ADAMTSL3: variants seen among roughly 807,000 people sequenced by gnomAD.
ADAMTSL3 encodes the protein ADAMTS like 3.
Under a neutral mutation model 201.7 loss-of-function variants are expected in ADAMTSL3, and 128 were observed. That is an observed-to-expected ratio of 0.63 (90% CI 0.55 to 0.73). The LOEUF (loss-of-function observed/expected upper bound fraction) is 0.73, where lower values mean the gene tolerates loss of function less well. Among genes scored for constraint, ADAMTSL3 ranks in the 30% least tolerant of loss-of-function variants. The pLI is 0.00. For missense variants in ADAMTSL3, 1,990 were observed against 2,119.6 expected, an observed-to-expected ratio of 0.94 and a Z score of 1.20; for synonymous variants, 738 against 748.4, an observed-to-expected ratio of 0.99 and a Z score of 0.23.
At chr15:83,999,103 G>C (rs1301430440) in intron 23 of ADAMTSL3, among the ~76,000 whole-genome samples, 1 of 152,086 alleles carries the variant, frequency 6.6e-6, no homozygotes, top group Non-Finnish European at 1.5e-5. Flanking sequence ...CCATAATCCT[G>C]TCAAAGACAC....
At chr15:83,765,470 G>C (rs1400523504) in intron 3 of ADAMTSL3, among the ~76,000 whole-genome samples, 5 of 152,226 alleles carry the variant, frequency 3.3e-5, no homozygotes, top group African/African-American at 1.2e-4. Context: ...GACCTTATAT[G>C]TGAAATCTGT....
chr15:83,938,389 G>C (rs2066497621), intron 17 of ADAMTSL3, among the ~76,000 whole-genome samples: 1 of 152,132 alleles, frequency 6.6e-6, no homozygotes, highest in Non-Finnish European at 1.5e-5. Context: ...GATGGGTCAT[G>C]GTCAGGTGTT....
chr15:83,801,369 C>T (rs1291098662), intron 4 of ADAMTSL3, among the ~76,000 whole-genome samples: 3 of 151,494 alleles, frequency 2.0e-5, no homozygotes, highest in Admixed American at 6.6e-5. Context: ...TGTACCACCT[C>T]AAAAACACAA....
At chr15:83,661,931 T>C (rs1425400128) in intron 2 of ADAMTSL3, among the ~76,000 whole-genome samples, 1 of 146,980 alleles carries the variant, frequency 6.8e-6, no homozygotes, top group Admixed American at 6.9e-5. Context: ...CAACATGTGC[T>C]GGAGAGGATG....
intron 9 of ADAMTSL3, among the ~76,000 whole-genome samples, chr15:83,883,890 T>C (rs554973523): frequency 6.6e-6 from 1 of 151,570 alleles, no homozygotes; most frequent in East Asian, 1.9e-4. Flanking sequence ...CATTAATTTT[T>C]TCTTTTACTT....
chr15:83,702,124 TG>T (rs761874172), intron 2 of ADAMTSL3, among the ~76,000 whole-genome samples: 7 of 152,206 alleles, frequency 4.6e-5, no homozygotes, highest in Non-Finnish European at 8.8e-5. Context: ...GGTGGCATTT[TG>T]CCCCTGCCCT....
Position 83,674,574 on chromosome 15 carries a change from T to A in ADAMTSL3, c.69+18744T>A, listed in dbSNP as rs183286890. Among the ~76,000 whole-genome samples, 4 of 151,526 alleles carry A rather than the reference T, an allele frequency of 2.6e-5. No individual in the cohort carries two copies. In the East Asian group the frequency reaches 7.7e-4, roughly 29 times the overall value. ...TTTATTATTCTTTATCAAAATTATT[T>A]TAACTCTTCTAGATTCTTTGCATTT... On this transcript the variant is annotated intron_variant, in intron 2 of 29. Transcript: ENST00000286744.
chr15:83,716,511 G>A (rs1319078110), intron 3 of ADAMTSL3, among the ~76,000 whole-genome samples: 2 of 131,976 alleles, frequency 1.5e-5, no homozygotes, highest in Non-Finnish European at 3.2e-5. Context: ...GCAAAACTCC[G>A]TCTCAAAAAA....
intron 3 of ADAMTSL3, among the ~76,000 whole-genome samples, chr15:83,716,390 G>A (rs1596078816): frequency 6.6e-6 from 1 of 151,462 alleles, no homozygotes; most frequent in Non-Finnish European, 1.5e-5. Context: ...GGCGGCAGGC[G>A]CCTGTAATCG....
At chr15:83,879,847 T>G (rs1270916262) in intron 9 of ADAMTSL3, among the ~76,000 whole-genome samples, 2 of 152,220 alleles carry the variant, frequency 1.3e-5, no homozygotes, top group Non-Finnish European at 2.9e-5. Context: ...TTGTGCCTTC[T>G]GTATTTTGAG....
chr15:83,821,720 C>T (rs1399664818), intron 6 of ADAMTSL3, among the ~76,000 whole-genome samples: 5 of 152,396 alleles, frequency 3.3e-5, no homozygotes, highest in Admixed American at 6.5e-5. Context: ...CACAAAACCG[C>T]CGTTGTCGTC....
At chr15:83,791,749 A>G (rs946311602) in intron 4 of ADAMTSL3, among the ~76,000 whole-genome samples, 4 of 151,626 alleles carry the variant, frequency 2.6e-5, no homozygotes, top group African/African-American at 9.7e-5. Context: ...AGTCCCAGCT[A>G]CTCGGGAGGC....
At position 84,021,435 on chromosome 15, in the gene ADAMTSL3, G is replaced by A. The variant is rs1330920617; in HGVS notation, c.4299G>A (p.Trp1433Ter). ...PQEPFWEPGNWSHCSATCGHL... is the reference protein window; with the variant it reads ...PQEPFWEPGN ...AGCCTTTTTGGGAGCCTGGTAACTGGTCACATTGTTCTGCCACCTGTGGTC... is the reference window on the plus strand; with the variant it reads ...AGCCTTTTTGGGAGCCTGGTAACTGATCACATTGTTCTGCCACCTGTGGTC... Residue 1433 changes from tryptophan to a stop codon, truncating the protein, a stop_gained, in exon 26 of 30, where the codon TGG becomes TGA. Coordinates refer to ENST00000286744, the MANE Select transcript of ADAMTSL3 (RefSeq NM_207517.3). LOFTEE classifies it high-confidence loss of function. The A allele has an allele frequency of 1.9e-6, 3 of 1,614,064 alleles. No homozygotes were observed. Among genetic ancestry groups the A allele is most frequent in the Non-Finnish European group, 8.5e-7 (1 of 1,180,008 alleles).
intron 13 of ADAMTSL3, among the ~76,000 whole-genome samples, chr15:83,894,370 A>G (rs931653688): frequency 1.3e-5 from 2 of 152,228 alleles, no homozygotes; most frequent in Non-Finnish European, 2.9e-5. Flanking sequence ...ACATATATTT[A>G]GGTTGACATC....
intron 7 of ADAMTSL3, among the ~76,000 whole-genome samples, chr15:83,840,456 A>G (rs2064351386): frequency 6.6e-6 from 1 of 152,222 alleles, no homozygotes; most frequent in Admixed American, 6.5e-5. Flanking sequence ...GCTCAGGACA[A>G]GAGGAGGGGA....
At chr15:83,732,518 C>A (rs531633166) in intron 3 of ADAMTSL3, among the ~76,000 whole-genome samples, 1 of 152,112 alleles carries the variant, frequency 6.6e-6, no homozygotes, top group African/African-American at 2.4e-5. Context: ...CCAGAAAATT[C>A]AATTCTGGTC....
chr15:83,847,087 T>C (rs2064513745), intron 7 of ADAMTSL3, among the ~76,000 whole-genome samples: 1 of 152,214 alleles, frequency 6.6e-6, no homozygotes, highest in African/African-American at 2.4e-5. Context: ...AGCTAAGGGC[T>C]GAAGATACTC....
intron 23 of ADAMTSL3, among the ~76,000 whole-genome samples, chr15:84,003,646 G>A (rs915029247): frequency 2.0e-5 from 3 of 152,114 alleles, no homozygotes; most frequent in African/African-American, 7.2e-5. Context: ...TAAAAGTGAA[G>A]GGTTTTGAAT....
chr15:83,711,701 A>G (rs938151296), intron 3 of ADAMTSL3, among the ~76,000 whole-genome samples: 6 of 152,268 alleles, frequency 3.9e-5, no homozygotes, highest in Admixed American at 1.3e-4. Context: ...TGCACATGCA[A>G]CTGTACATGC....
Sources: gnomAD v4.1 joint callset for allele counts (sites outside exome capture counted in the v4.1 genomes callset) on GRCh38, gnomAD v4.1.1 for gene constraint, MANE v1.5 for transcripts, NCBI Gene and HGNC (gene_info 2026-07-23, HGNC 2026-07-21) for gene names.